Variants in CLOCK observed in about 807,000 individuals in gnomAD.
CLOCK encodes the protein circadian locomoter output cycles protein kaput.
Under a neutral mutation model 118.4 loss-of-function variants are expected in CLOCK, and 43 were observed. The ratio of observed to expected loss-of-function variants is 0.36; its 90% confidence interval spans 0.28 to 0.47. CLOCK has a LOEUF of 0.47. Ranked by LOEUF, CLOCK falls within the 20% of genes least tolerant of loss-of-function variation. CLOCK has a pLI of 1.00. For synonymous variants in CLOCK, 326 were observed against 339.2 expected (o/e 0.96, Z 0.43); for missense variants, 846 against 999.9 (o/e 0.85, Z 2.08).
intron 2 of CLOCK, among the ~76,000 whole-genome samples, chr4:55,495,855 C>G (rs1225122250): frequency 6.6e-6 from 1 of 151,634 alleles, no homozygotes; most frequent in Non-Finnish European, 1.5e-5. Context: ...ATGTGATCCA[C>G]CTGATGCAAA....
Position 55,453,696 on chromosome 4 carries a change from A to C in CLOCK, c.1111T>G (p.Cys371Gly), listed in dbSNP as rs1406765260. ...QWNSRPEFIVCTHTVVSYAEV... is the reference protein window; with the variant it reads ...QWNSRPEFIVGTHTVVSYAEV... ...TATTACCTTACTACAGTGTGAGTAC[A>C]AACAATAAACTCTGGCCTTGAATTC... Residue 371 changes from cysteine to glycine, a missense_variant, in exon 14 of 23, where the codon TGT becomes GGT. Cys to Gly is a radical substitution (Grantham distance 159). This residue lies in a region of CLOCK where 66 missense variants were observed against 99.4 expected (regional missense o/e 0.66). Coordinates refer to ENST00000513440, the MANE Select transcript of CLOCK (RefSeq NM_004898.4). The C allele has an allele frequency of 6.2e-7, 1 of 1,610,692 alleles. No homozygotes were observed. The highest frequency in any genetic ancestry group is 2.2e-5 in the East Asian group (1 of 44,724).
intron 8 of CLOCK, among the ~76,000 whole-genome samples, chr4:55,466,319 G>A (rs981629156): frequency 6.6e-6 from 1 of 152,150 alleles, no homozygotes; most frequent in Admixed American, 6.5e-5. Flanking sequence ...CGCCATGACT[G>A]TAAGTTTCCT....
chr4:55,478,263 T>C (rs1726665879), intron 6 of CLOCK, among the ~76,000 whole-genome samples: 2 of 152,170 alleles, frequency 1.3e-5, no homozygotes, highest in African/African-American at 4.8e-5. Flanking sequence ...ATAGTGTTGA[T>C]TTACTAGATA....
At chr4:55,541,733 G>A (rs558379986) in intron 1 of CLOCK, among the ~76,000 whole-genome samples, 1 of 151,852 alleles carries the variant, frequency 6.6e-6, no homozygotes, top group African/African-American at 2.4e-5. Flanking sequence ...TGATTAAAGA[G>A]GCTGTATTAT....
At chr4:55,494,063 C>A in intron 2 of CLOCK, among the ~76,000 whole-genome samples, 1 of 152,314 alleles carries the variant, frequency 6.6e-6, no homozygotes, top group East Asian at 1.9e-4. Flanking sequence ...ATCTTGCCCA[C>A]AGAGTATAGG....
intron 9 of CLOCK, among the ~76,000 whole-genome samples, chr4:55,459,829 A>G (rs1157155883): frequency 6.6e-6 from 1 of 152,050 alleles, no homozygotes; most frequent in Non-Finnish European, 1.5e-5. Flanking sequence ...TGCCTGGCTA[A>G]TTTTTAATTT....
intron 19 of CLOCK, 87 bp from the exon 20 acceptor site, chr4:55,443,983 A>G: frequency 8.2e-7 from 1 of 1,226,604 alleles, no homozygotes; most frequent in South Asian, 1.3e-5. Flanking sequence ...CAAGCTACAA[A>G]GTATGTTTAA....
At chr4:55,494,595 A>C (rs1157891413) in intron 2 of CLOCK, among the ~76,000 whole-genome samples, 1 of 152,124 alleles carries the variant, frequency 6.6e-6, no homozygotes. Flanking sequence ...GGGATGAGGG[A>C]TAAAAGACCA....
chr4:55,545,706 C>CA (rs1731571283), intron 1 of CLOCK: 1 of 152,188 alleles, frequency 6.6e-6, no homozygotes, highest in South Asian at 2.1e-4. Context: ...TACAAAGCTA[C>CA]AAACACTTTC....
chr4:55,512,149 A>G (rs1447589825), intron 1 of CLOCK, among the ~76,000 whole-genome samples: 1 of 152,102 alleles, frequency 6.6e-6, no homozygotes. Flanking sequence ...TTAGTTTCGT[A>G]AGAACCTGCC....
chr4:55,543,076 C>A (rs1731387127), intron 1 of CLOCK, among the ~76,000 whole-genome samples: 1 of 152,090 alleles, frequency 6.6e-6, no homozygotes. Flanking sequence ...CCCCATCTGG[C>A]TAATTTTTTT....
At chr4:55,489,934 TAAAG>T (rs761989380) in intron 2 of CLOCK, among the ~76,000 whole-genome samples, 7 of 148,852 alleles carry the variant, frequency 4.7e-5, no homozygotes, top group South Asian at 2.2e-4. Flanking sequence ...CTACAAAAAA[TAAAG>T]AAAGAAAGAA....
At chr4:55,479,859 T>C (rs1726796374) in intron 4 of CLOCK, among the ~76,000 whole-genome samples, 160 bp from the exon 5 acceptor site, 1 of 152,178 alleles carries the variant, frequency 6.6e-6, no homozygotes, top group South Asian at 2.1e-4. Flanking sequence ...CATTCAAAAA[T>C]CAAAATTCAG....
intron 9 of CLOCK, among the ~76,000 whole-genome samples, chr4:55,462,730 G>A (rs1725433415): frequency 6.6e-6 from 1 of 152,142 alleles, no homozygotes; most frequent in Admixed American, 6.6e-5. Flanking sequence ...AATGGTCAAT[G>A]TCATATGAAC....
chr4:55,539,717 AAAC>A (rs1321450416), intron 1 of CLOCK, among the ~76,000 whole-genome samples: 5 of 152,112 alleles, frequency 3.3e-5, no homozygotes, highest in African/African-American at 1.2e-4. Context: ...TAAAAATTGA[AAAC>A]AACTTCAATG....
At chr4:55,450,876 T>C (rs12499699) in intron 15 of CLOCK, among the ~76,000 whole-genome samples, 3,872 of 152,152 alleles carry the variant, frequency 0.025, 61 homozygotes, top group South Asian at 0.069. Context: ...GGTGAATGCC[T>C]GCGGTGCCAA....
chr4:55,522,704 ATATG>A (rs550411649), intron 1 of CLOCK, among the ~76,000 whole-genome samples: 122 of 152,284 alleles, frequency 8.0e-4, no homozygotes, highest in African/African-American at 2.6e-3. Flanking sequence ...TCCACCATAT[ATATG>A]TATGTATTTG....
rs975023658 is a variant in CLOCK, at chr4:55,445,248, AG to A, written c.1540-464del. Among the ~76,000 whole-genome samples the A allele has an allele frequency of 6.0e-4, 41 of 68,332 alleles. 5 individuals carry two copies. The highest frequency in any genetic ancestry group is 1.5e-3 in the African/African-American group (39 of 26,804). 44.8% of individuals were successfully genotyped at this position (68,332 alleles called of 152,430 possible). ...TAGAGTTAAAAAGCTTTGGATGGGAAGGACATTTCTCACTTTTACATACACC... is the reference window on the plus strand; with the variant it reads ...TAGAGTTAAAAAGCTTTGGATGGGAAGACATTTCTCACTTTTACATACACC... On this transcript the variant is annotated intron_variant, in intron 18 of 22. Coordinates refer to ENST00000513440, the MANE Select transcript of CLOCK (RefSeq NM_004898.4).
At chr4:55,486,182 T>C (rs1218562212) in intron 3 of CLOCK, among the ~76,000 whole-genome samples, 1 of 152,192 alleles carries the variant, frequency 6.6e-6, no homozygotes, top group African/African-American at 2.4e-5. Context: ...TATAATTACT[T>C]TTCCTTTTGA....
Sources: allele counts gnomAD v4.1 joint callset (sites outside exome capture counted in the v4.1 genomes callset), GRCh38; gene constraint gnomAD v4.1.1; regional missense constraint gnomAD v4.1.1; transcripts MANE v1.5; gene names NCBI Gene and HGNC (gene_info 2026-07-23, HGNC 2026-07-21).